The following FREM3 variants were observed in gnomAD, a reference collection of about 807,000 sequenced individuals.
The protein encoded by FREM3 is FRAS1-related extracellular matrix protein 3.
In FREM3, 105 loss-of-function variants were observed where a neutral mutation model predicts 129.1. The observed-to-expected ratio is 0.81, with a 90% CI of 0.69 to 0.96. The LOEUF (loss-of-function observed/expected upper bound fraction) is 0.96, where lower values mean the gene tolerates loss of function less well. FREM3 is among the 40% of genes least tolerant of loss of function. FREM3 has a pLI of 0.00. For synonymous variants in FREM3, 1,014 were observed against 1,044.9 expected (o/e 0.97, Z 0.57); for missense variants, 2,593 against 2,666.3 (o/e 0.97, Z 0.61).
intron 2 of FREM3, among the ~76,000 whole-genome samples, chr4:143,684,379 C>T (rs1037729564): frequency 1.3e-5 from 2 of 152,144 alleles, no homozygotes; most frequent in African/African-American, 4.8e-5. Flanking sequence ...GGTAGACTTG[C>T]TGGGTGGCTA....
At chr4:143,598,117 C>A (rs543417657) in intron 6 of FREM3, among the ~76,000 whole-genome samples, 13 of 152,334 alleles carry the variant, frequency 8.5e-5, no homozygotes, top group African/African-American at 3.1e-4. Context: ...AATGCTATCA[C>A]CTTGGAGGTT....
chr4:143,591,350 C>A (rs1042682780), intron 6 of FREM3, among the ~76,000 whole-genome samples: 65 of 152,180 alleles, frequency 4.3e-4, no homozygotes, highest in African/African-American at 1.5e-3. Flanking sequence ...AATTTTAGAT[C>A]TTTCCTGCTT....
chr4:143,677,985 T>C (rs1178100637), intron 2 of FREM3, among the ~76,000 whole-genome samples: 1 of 152,224 alleles, frequency 6.6e-6, no homozygotes, highest in Non-Finnish European at 1.5e-5. Context: ...AGTGTGGCGA[T>C]TCCTCAGGGA....
chr4:143,699,680 C>A lies in FREM3; in HGVS notation c.996G>T (p.Ala332=), dbSNP rs985974385. 7 of 1,526,946 alleles carry A rather than the reference C, an allele frequency of 4.6e-6. No homozygotes were observed. The Admixed American group carries it at 9.9e-5, about 22-fold the overall frequency. 94.6% of individuals were successfully genotyped at this position (1,526,946 alleles called of 1,614,324 possible). ...CACCAGGGTCTGACTCGACGTCCTC[C>A]GCGGCCAGTGCGTCAGGCGTCAGGG... ...LTALTPDALA[A]EDVESDPGDL... is the part of the protein sequence containing the mutation. The change falls in exon 1 of 8, where the codon GCG becomes GCT. Residue 332 remains alanine (A), a synonymous_variant. Transcript: ENST00000329798. This position sits in a 1 kb window ranked among gnomAD's most constrained non-coding sequence, Gnocchi z 4.2.
chr4:143,584,415 CAAAA>C lies in FREM3; in HGVS notation c.6178+1425_6178+1428del, dbSNP rs33979492. Among the ~76,000 whole-genome samples the C allele has an allele frequency of 4.3e-3, 393 of 90,778 alleles. 1 individual carries two copies. The highest frequency in any genetic ancestry group is 0.015 in the African/African-American group (377 of 24,536). The allele number at this position is 90,778 out of a possible 152,430, so 59.6% of individuals were successfully genotyped here. ...TGGGCGACAGAGCGAGACTCCGTCT[CAAAA>C]AAAAAAAAAAAAAAAAAATCTACCA... On this transcript the variant is annotated intron_variant, in intron 7 of 7. Transcript: ENST00000329798.
At chr4:143,601,487 C>A (rs1333116110) in intron 6 of FREM3, among the ~76,000 whole-genome samples, 3 of 152,140 alleles carry the variant, frequency 2.0e-5, no homozygotes, top group African/African-American at 7.2e-5. Context: ...AAATCACGTA[C>A]TAAAAATTGA....
At chr4:143,588,458 T>C (rs1296262586) in intron 6 of FREM3, among the ~76,000 whole-genome samples, 2 of 151,490 alleles carry the variant, frequency 1.3e-5, no homozygotes, top group African/African-American at 4.9e-5. Context: ...GTGTTCTCAT[T>C]GTTCAATTCC....
intron 2 of FREM3, among the ~76,000 whole-genome samples, chr4:143,687,510 T>G (rs1740390907): frequency 6.6e-6 from 1 of 152,178 alleles, no homozygotes; most frequent in South Asian, 2.1e-4. Flanking sequence ...TAATTCATTC[T>G]ATGAAGCCAG....
Position 143,699,293 on chromosome 4 carries a change from A to G in FREM3, c.1383T>C (p.Asp461=), listed in dbSNP as rs1740644710. The G allele has an allele frequency of 2.0e-6, 3 of 1,537,188 alleles. No individual in the cohort carries two copies. The highest frequency in any genetic ancestry group is 2.6e-6 in the Non-Finnish European group (3 of 1,146,948). Residue 461 remains aspartate (D), a synonymous_variant, in exon 1 of 8, where the codon GAT becomes GAC. Coordinates refer to ENST00000329798, the MANE Select transcript of FREM3 (RefSeq NM_001168235.2). The surrounding 1 kb of genome is among the most constrained non-coding windows in gnomAD (Gnocchi z 4.2). ...TTTTCACCTCTTCCAGGTTATCTTT[A>G]TCACTGATAGGAATGCTGTGGGTGC... ...LSSTHSIPIS[D]KDNLEEVKMA... is the part of the protein sequence containing the mutation.
chr4:143,590,144 C>T (rs1387865849), intron 6 of FREM3, among the ~76,000 whole-genome samples: 17 of 151,994 alleles, frequency 1.1e-4, no homozygotes, highest in African/African-American at 2.4e-4. Context: ...TGGGCTGAGA[C>T]GATGGGGTTT....
At chr4:143,678,772 C>T (rs1490217708) in intron 2 of FREM3, among the ~76,000 whole-genome samples, 1 of 152,008 alleles carries the variant, frequency 6.6e-6, no homozygotes, top group Admixed American at 6.6e-5. Context: ...CTTAATTAAA[C>T]TTCAATATAG....
At chr4:143,607,115 A>AGCCCC (rs1738681274) in intron 6 of FREM3, among the ~76,000 whole-genome samples, 1 of 152,154 alleles carries the variant, frequency 6.6e-6, no homozygotes, top group Non-Finnish European at 1.5e-5. Flanking sequence ...GGCTCAACAA[A>AGCCCC]TGCTTTTGGA....
At chr4:143,665,332 A>T (rs1400726500) in intron 2 of FREM3, among the ~76,000 whole-genome samples, 9 of 151,874 alleles carry the variant, frequency 5.9e-5, no homozygotes, top group Non-Finnish European at 1.2e-4. Context: ...ATTGAAGCTT[A>T]CTCTTACCAT....
intron 2 of FREM3, among the ~76,000 whole-genome samples, chr4:143,684,008 C>A: frequency 6.6e-6 from 1 of 152,102 alleles, no homozygotes; most frequent in East Asian, 1.9e-4. Context: ...CAAGACCCAC[C>A]CAAGGAAAGT....
At chr4:143,638,540 T>C (rs1186525737) in intron 2 of FREM3, among the ~76,000 whole-genome samples, 21 of 152,168 alleles carry the variant, frequency 1.4e-4, no homozygotes, top group Non-Finnish European at 2.9e-5. Flanking sequence ...TCATGCTCAT[T>C]TTCGGATACG....
chr4:143,586,729 T>C, intron 6 of FREM3, among the ~76,000 whole-genome samples: 1 of 152,224 alleles, frequency 6.6e-6, no homozygotes, highest in East Asian at 1.9e-4. Flanking sequence ...CGTTCGCTCT[T>C]GTTCTAAAAG....
intron 6 of FREM3, among the ~76,000 whole-genome samples, chr4:143,596,658 C>CT (rs1417465803): frequency 1.3e-5 from 2 of 152,024 alleles, no homozygotes; most frequent in Non-Finnish European, 2.9e-5. Context: ...AAAATCAAGC[C>CT]TCACAGTGGT....
At chr4:143,631,478 A>C (rs1316918299) in intron 2 of FREM3, among the ~76,000 whole-genome samples, 1 of 152,130 alleles carries the variant, frequency 6.6e-6, no homozygotes, top group Non-Finnish European at 1.5e-5. Flanking sequence ...TGAGTAACTG[A>C]GATTACAGGC....
At chr4:143,655,402 C>T (rs571313230) in intron 2 of FREM3, among the ~76,000 whole-genome samples, 4 of 152,064 alleles carry the variant, frequency 2.6e-5, no homozygotes, top group South Asian at 2.1e-4. Context: ...TGGCTACACA[C>T]GACAAAATGA....
Sources: gnomAD v4.1 joint callset for allele counts (sites outside exome capture counted in the v4.1 genomes callset) on GRCh38, gnomAD v4.1.1 for gene constraint, Gnocchi (gnomAD v3.1) non-coding constraint, MANE v1.5 for transcripts, NCBI Gene and HGNC (gene_info 2026-07-23, HGNC 2026-07-21) for gene names.